FAM153A: variants seen among roughly 807,000 people sequenced by gnomAD.
FAM153A encodes family with sequence similarity 153 member A, also known as protein FAM153A.
In FAM153A, 12 loss-of-function variants were observed where a neutral mutation model predicts 48.1. The ratio of observed to expected loss-of-function variants is 0.25; its 90% CI spans 0.16 to 0.40. The LOEUF is 0.40. Ranked by LOEUF, FAM153A falls within the 10% of genes least tolerant of loss-of-function variation. The pLI is 1.00. For missense variants in FAM153A, 111 were observed against 345.8 expected, an observed-to-expected ratio of 0.32 and a Z score of 5.38; for synonymous variants, 36 against 118.2, an observed-to-expected ratio of 0.30 and a Z score of 4.51.
intron 25 of FAM153A, among the ~76,000 whole-genome samples, chr5:177,715,547 T>G (rs1389464400): frequency 1.3e-5 from 2 of 151,372 alleles, no homozygotes; most frequent in Non-Finnish European, 2.9e-5. Flanking sequence ...CAATAAAGCT[T>G]TGATGTGGAG....
intron 4 of FAM153A, among the ~76,000 whole-genome samples, chr5:177,747,258 AT>A (rs927075983): frequency 1.4e-5 from 2 of 143,634 alleles, no homozygotes; most frequent in Admixed American, 7.4e-5. Flanking sequence ...CATCTATGCC[AT>A]TTCCATTTAG....
At chr5:177,752,638 A>AAAAAAAAAAG (rs1554153712) in intron 1 of FAM153A, among the ~76,000 whole-genome samples, 2 of 98,716 alleles carry the variant, frequency 2.0e-5, no homozygotes, top group Non-Finnish European at 4.1e-5. Flanking sequence ...AAAAAAAAAA[A>AAAAAAAAAAG]AAAAGAAAAG....
chr5:177,715,823 C>T (rs995009801), intron 25 of FAM153A, among the ~76,000 whole-genome samples: 3 of 151,666 alleles, frequency 2.0e-5, no homozygotes, highest in Non-Finnish European at 4.4e-5. Flanking sequence ...CCCAACTCAG[C>T]CTCCTGCGCA....
At chr5:177,711,468 A>T (rs1214678182) in exon 27 of FAM153A, 1 of 151,822 alleles carries the variant, frequency 6.6e-6, no homozygotes. Context: ...TGACTGGAGA[A>T]GCCATGACTT....
In FAM153A at chr5:177,736,621, CA is replaced by C. The variant is rs201144971; in HGVS notation, c.634-13del. ...GGGTCCCCCTCCATCTAGAGAAAAA[CA>C]AAACACTATGAGGATCAGACCAGGC... On this transcript the variant is annotated splice_polypyrimidine_tract_variant and intron_variant, in intron 11 of 20. Transcript: ENST00000614127. The C allele has an allele frequency of 7.8e-5, 125 of 1,599,438 alleles. 1 individual carries two copies. In the East Asian group the frequency reaches 2.8e-3, roughly 36 times the overall value.
downstream of FAM153A, chr5:177,718,623 AAAT>A (rs1401742037): frequency 3.0e-5 from 4 of 134,780 alleles, 2 homozygotes; most frequent in African/African-American, 1.0e-4. Context: ...AATTAAGAAA[AAAT>A]AAAACAGGCT....
downstream of FAM153A, chr5:177,722,146 T>TTTTG (rs1491368968): frequency 1.2e-3 from 166 of 139,734 alleles, no homozygotes; most frequent in African/African-American, 4.3e-3. Context: ...TTTTTTTTTT[T>TTTTG]GAGACAAAGT....
intron 6 of FAM153A, among the ~76,000 whole-genome samples, chr5:177,743,845 G>C (rs368609188): frequency 0.013 from 210 of 15,660 alleles, no homozygotes; most frequent in Middle Eastern, 0.045. Flanking sequence ...AGGGAATTCT[G>C]AATGAAAAAA....
At chr5:177,705,280 A>G (rs1757774402), downstream of FAM153A, among the ~76,000 whole-genome samples, 1 of 151,556 alleles carries the variant, frequency 6.6e-6, no homozygotes, top group Non-Finnish European at 1.5e-5. Context: ...CTCCAGCCAG[A>G]GTGACAGAGT....
At chr5:177,730,509 CATT>C (rs1763612586) in intron 16 of FAM153A, among the ~76,000 whole-genome samples, 1 of 115,774 alleles carries the variant, frequency 8.6e-6, no homozygotes, top group African/African-American at 2.9e-5. Context: ...GTGTGTTTGA[CATT>C]AATGGTCACA....
rs1765337790 is a variant in FAM153A, at chr5:177,740,811, G to C, written c.442-10C>G. 2 of 852,810 alleles carry C rather than the reference G, an allele frequency of 2.3e-6. No individual in the cohort carries two copies. The allele number at this position is 852,810 out of a possible 1,614,324, so 52.8% of individuals were successfully genotyped here. A position where few individuals can be genotyped will look rare whatever the true frequency, so the allele number is the denominator to read the frequency against. On this transcript the variant is annotated splice_polypyrimidine_tract_variant and intron_variant, in intron 7 of 20. Coordinates refer to ENST00000614127, the Ensembl canonical transcript of FAM153A. Reference sequence around the variant, plus strand: ...GAAAGCATACCCTTTTCTGCAAATAGAGAAAAGAAAAACATTATGAGAGTC... The same window carrying C: ...GAAAGCATACCCTTTTCTGCAAATACAGAAAAGAAAAACATTATGAGAGTC...
the FAM153A span, among the ~76,000 whole-genome samples, chr5:177,698,123 C>T: frequency 6.6e-6 from 1 of 151,498 alleles, no homozygotes; most frequent in Non-Finnish European, 1.5e-5. Context: ...CTCTTTAGTT[C>T]TAGTTAGTAA....
chr5:177,708,627 A>G (rs1449779468), downstream of FAM153A, among the ~76,000 whole-genome samples: 2 of 151,992 alleles, frequency 1.3e-5, no homozygotes, highest in African/African-American at 4.8e-5. Flanking sequence ...GGCATTACCA[A>G]TAGTAGTGTC....
At chr5:177,717,510 A>C (rs1404877941), downstream of FAM153A, among the ~76,000 whole-genome samples, 1 of 150,812 alleles carries the variant, frequency 6.6e-6, no homozygotes, top group South Asian at 2.1e-4. Context: ...GAAGGTTGCC[A>C]GGGACTAAGA....
chr5:177,781,364 G>A (rs1273696299), upstream of FAM153A, among the ~76,000 whole-genome samples: 1 of 140,690 alleles, frequency 7.1e-6, no homozygotes, highest in Non-Finnish European at 1.5e-5. Flanking sequence ...CTCGTGATCC[G>A]CCCACCTCGG....
At chr5:177,700,334 T>A in the FAM153A span, among the ~76,000 whole-genome samples, 1 of 151,902 alleles carries the variant, frequency 6.6e-6, no homozygotes, top group Non-Finnish European at 1.5e-5. Context: ...TTGGAATTTC[T>A]AACCAGACAG....
the FAM153A span, among the ~76,000 whole-genome samples, chr5:177,702,704 C>A: frequency 1.5e-3 from 227 of 152,028 alleles, 4 homozygotes; most frequent in African/African-American, 5.3e-3. Context: ...CGGGACACTG[C>A]TCCCTGCATC....
intron 16 of FAM153A, among the ~76,000 whole-genome samples, chr5:177,730,916 CTTGTG>C (rs1244253805): frequency 2.9e-5 from 3 of 101,732 alleles, no homozygotes; most frequent in Non-Finnish European, 4.1e-5. Flanking sequence ...GACATTGATC[CTTGTG>C]TTGTGCTTTG....
intron 4 of FAM153A, among the ~76,000 whole-genome samples, chr5:177,746,596 C>T (rs1426478302): frequency 6.6e-6 from 1 of 151,090 alleles, no homozygotes; most frequent in East Asian, 1.9e-4. Context: ...ATTATCCTAC[C>T]ATTTAAAGAT....
Sources: gnomAD v4.1 joint callset for allele counts (sites outside exome capture counted in the v4.1 genomes callset) on GRCh38, gnomAD v4.1.1 for gene constraint, MANE v1.5 for transcripts, NCBI Gene and HGNC (gene_info 2026-07-23, HGNC 2026-07-21) for gene names.